The following GAK variants were observed in gnomAD, a reference collection of about 807,000 sequenced individuals.
GAK encodes cyclin-G-associated kinase.
In GAK, 79 loss-of-function variants were observed where a neutral mutation model predicts 143.9. The observed-to-expected ratio is 0.55, with a 90% CI of 0.46 to 0.66. The LOEUF (loss-of-function observed/expected upper bound fraction) is 0.66, where lower values mean the gene tolerates loss of function less well. Ranked by LOEUF, GAK falls within the 30% of genes least tolerant of loss-of-function variation. The pLI is 0.00. For synonymous variants in GAK, 881 were observed against 765.5 expected (o/e 1.15, Z -2.49); for missense variants, 1,693 against 1,779.7 (o/e 0.95, Z 0.88).
Position 882,144 on chromosome 4 carries a change from G to A in GAK, c.1528-104C>T. The A allele has an allele frequency of 3.9e-6, 5 of 1,268,820 alleles. No individual in the cohort carries two copies. The South Asian group carries it at 7.0e-5, about 18-fold the overall frequency. The allele number at this position is 1,268,820 out of a possible 1,614,324, so 78.6% of individuals were successfully genotyped here. ...CCACCCTGTGGCTGCAGGGACGCAG[G>A]GCTGTTCCTCTCTGAAGCTGGGATA... On this transcript the variant is annotated intron_variant, in intron 14 of 27. Transcript: ENST00000314167.
In GAK at chr4:909,523, C is replaced by T. The variant is rs550056407; in HGVS notation, c.382+2150G>A. 7.2e-5 allele frequency among the ~76,000 whole-genome samples: 11 copies of T among 152,242 alleles called. No individual in the cohort carries two copies. In the East Asian group the frequency reaches 7.7e-4, roughly 11 times the overall value. Reference sequence around the variant, plus strand: ...ATGGACGCACGGGAGGGGCCGGGAGCGGCGTGTCAGGGATGGGAGAGACAG... The same window carrying T: ...ATGGACGCACGGGAGGGGCCGGGAGTGGCGTGTCAGGGATGGGAGAGACAG... On this transcript the variant is annotated intron_variant, in intron 4 of 27. Coordinates refer to ENST00000314167, the MANE Select transcript of GAK (RefSeq NM_005255.4).
At chr4:903,359 G>C (rs1023175165) in intron 5 of GAK, among the ~76,000 whole-genome samples, 5 of 152,208 alleles carry the variant, frequency 3.3e-5, no homozygotes, top group African/African-American at 7.2e-5. Flanking sequence ...GAGGTGCAGT[G>C]GGGGGACAGT....
intron 11 of GAK, chr4:885,663 C>G (rs530179452): frequency 6.6e-6 from 1 of 152,350 alleles, no homozygotes; most frequent in South Asian, 2.1e-4. Context: ...GGCTTCAGAA[C>G]AGCAAGCACC....
chr4:894,230 C>T (rs1718292489), intron 7 of GAK: 2 of 359,610 alleles, frequency 5.6e-6, no homozygotes, highest in African/African-American at 2.6e-5. Context: ...GCGGGAACAA[C>T]AGGGGTGACA....
At chr4:914,443 C>T (rs1722669040) in intron 1 of GAK, among the ~76,000 whole-genome samples, 1 of 110,352 alleles carries the variant, frequency 9.1e-6, no homozygotes, top group Non-Finnish European at 1.9e-5. Flanking sequence ...CGTGCACGGC[C>T]CCCACACACA....
intron 11 of GAK, chr4:888,046 T>C (rs1290513131): frequency 6.6e-6 from 1 of 152,306 alleles, no homozygotes; most frequent in Non-Finnish European, 1.5e-5. Context: ...TACCTGGTGC[T>C]GGGGACACAA....
intron 1 of GAK, chr4:913,970 C>T (rs1282322737): frequency 2.0e-5 from 5 of 255,946 alleles, no homozygotes; most frequent in African/African-American, 4.3e-5. Flanking sequence ...CCAGCGTGCA[C>T]GGCCCCCACA....
At chr4:923,296 T>C (rs1724182473) in intron 1 of GAK, among the ~76,000 whole-genome samples, 1 of 152,144 alleles carries the variant, frequency 6.6e-6, no homozygotes, top group Non-Finnish European at 1.5e-5. Context: ...TAGTAACGTA[T>C]AAGACATTAA....
intron 1 of GAK, among the ~76,000 whole-genome samples, chr4:916,444 G>A (rs192070466): frequency 2.0e-5 from 3 of 152,228 alleles, no homozygotes; most frequent in African/African-American, 4.8e-5. Flanking sequence ...TTGAAGAGAC[G>A]AGGTTTCGCC....
intron 1 of GAK, among the ~76,000 whole-genome samples, chr4:926,009 G>C (rs1466958860): frequency 6.6e-6 from 1 of 151,668 alleles, no homozygotes; most frequent in Non-Finnish European, 1.5e-5. Context: ...GAGCCCACCC[G>C]GGGGTCGTCC....
intron 4 of GAK, among the ~76,000 whole-genome samples, chr4:906,574 C>T (rs1721126557): frequency 6.6e-6 from 1 of 152,198 alleles, no homozygotes. Context: ...TGCTCCTACC[C>T]TGATCTTACC....
intron 11 of GAK, 97 bp downstream of exon 11, chr4:888,750 A>C: frequency 6.8e-7 from 1 of 1,466,322 alleles, no homozygotes; most frequent in Non-Finnish European, 9.2e-7. Context: ...GTGGGGCCTG[A>C]TGACCAGCTG....
At position 866,423 on chromosome 4, in the gene GAK, G is replaced by A. The variant is rs1577077012; in HGVS notation, c.2984C>T (p.Ser995Phe). ...CGGAGCACTGTGGGCAGACGGGAAG[G>A]ATGGTGGGACGGTCACAGAGTCCGA... ...LNSDSVTVPP[S>F]FPSAHSAPPP... The change falls in exon 22 of 28, where the codon TCC becomes TTC. Residue 995 changes from serine (S) to phenylalanine (F), a missense_variant. This residue lies in a region of GAK where 822 missense variants were observed against 788.7 expected (regional missense o/e 1.04). Transcript: ENST00000314167. The A allele has an allele frequency of 5.0e-6, 8 of 1,614,140 alleles. No individual in the cohort carries two copies. The highest frequency in any genetic ancestry group is 6.8e-6 in the Non-Finnish European group (8 of 1,179,988).
At position 883,316 on chromosome 4, in the gene GAK, C is replaced by A; in HGVS notation, c.1403G>T (p.Arg468Leu). ...RTYRPSRFHN[R>L]VSECGWAARR... The stretch of plus-strand genomic sequence containing the variant: ...AAGACAAAGCCTGTGGCCACACACC[C>A]GGTTGTGGAACCTGGAGGGCCGGTA... Residue 468 changes from arginine (R) to leucine (L), a missense_variant and splice_region_variant, in exon 13 of 28, where the codon CGG becomes CTG. Transcript: ENST00000314167. 6.2e-7 allele frequency: 1 copy of A among 1,613,162 alleles called. No individual in the cohort carries two copies. Among genetic ancestry groups the A allele is most frequent in the South Asian group, 1.1e-5 (1 of 91,056 alleles).
intron 1 of GAK, among the ~76,000 whole-genome samples, chr4:921,687 G>T (rs958080370): frequency 1.8e-4 from 26 of 143,896 alleles, no homozygotes; most frequent in South Asian, 6.6e-4. Context: ...CGCTTTGTTT[G>T]TTTTTTTTTT....
At chr4:897,759 G>A (rs1475021772) in intron 6 of GAK, among the ~76,000 whole-genome samples, 1 of 152,180 alleles carries the variant, frequency 6.6e-6, no homozygotes, top group Admixed American at 6.5e-5. Flanking sequence ...GACCATCCTG[G>A]CCAACACGGT....
At chr4:860,644 C>A (rs1359891694) in intron 23 of GAK, among the ~76,000 whole-genome samples, 1 of 152,220 alleles carries the variant, frequency 6.6e-6, no homozygotes, top group Non-Finnish European at 1.5e-5. Context: ...TGGGCAAAGA[C>A]GTCCTGAAGC....
intron 5 of GAK, among the ~76,000 whole-genome samples, chr4:898,991 G>A (rs1364315662): frequency 1.3e-5 from 2 of 152,362 alleles, no homozygotes; most frequent in African/African-American, 4.8e-5. Context: ...GGAATCCAGC[G>A]AGTGCTGCTG....
At chr4:907,192 C>T (rs887508988) in intron 4 of GAK, among the ~76,000 whole-genome samples, 29 of 152,178 alleles carry the variant, frequency 1.9e-4, no homozygotes, top group African/African-American at 5.6e-4. Context: ...ACTCACAGAC[C>T]GGACCCACCT....
Sources: allele counts gnomAD v4.1 joint callset (sites outside exome capture counted in the v4.1 genomes callset), GRCh38; gene constraint gnomAD v4.1.1; regional missense constraint gnomAD v4.1.1; transcripts MANE v1.5; gene names NCBI Gene and HGNC (gene_info 2026-07-23, HGNC 2026-07-21).